Variants in CD101 observed in about 807,000 individuals in gnomAD.
The protein encoded by CD101 is CD101 molecule.
In CD101, 76 loss-of-function variants were observed where a neutral mutation model predicts 98.2. The observed-to-expected ratio is 0.77, with a 90% CI of 0.64 to 0.94. CD101 has a LOEUF of 0.94. CD101 is among the 40% of genes least tolerant of loss of function. The pLI is 0.00. For missense variants in CD101, 1,145 were observed against 1,218.8 expected, an observed-to-expected ratio of 0.94 and a Z score of 0.90; for synonymous variants, 471 against 472.7, an observed-to-expected ratio of 1.00 and a Z score of 0.05.
chr1:117,034,938 CAGCACTGGGTGGT>C (rs1324766572), intron 9 of CD101, among the ~76,000 whole-genome samples: 1 of 152,234 alleles, frequency 6.6e-6, no homozygotes, highest in East Asian at 1.9e-4. Context: ...TTTGACCTGA[CAGCACTGGGTGGT>C]AGGGAAGGTA....
chr1:117,035,580 C>A (rs1041053715), intron 9 of CD101, among the ~76,000 whole-genome samples: 1 of 146,774 alleles, frequency 6.8e-6, no homozygotes, highest in African/African-American at 2.5e-5. Context: ...GATGAAGTCT[C>A]GCTCTGTCGC....
rs1394386349 is a variant in CD101, at chr1:117,018,941, T to C, written c.2017+381T>C. ...TCCAGGCCTTACCAGTTAGTAAACA[T>C]TTGCAGTGTCTCTGCTAGTGGTAGG... is the stretch of plus-strand genomic sequence containing the variant. On this transcript the variant is annotated intron_variant, in intron 6 of 9. Coordinates refer to ENST00000682167, the MANE Select transcript of CD101 (RefSeq NM_001256106.3). The surrounding 1 kb of genome is among the most constrained non-coding windows in gnomAD (Gnocchi z 4.3). Among the ~76,000 whole-genome samples, 1 of 152,206 alleles carries C rather than the reference T, an allele frequency of 6.6e-6. No homozygotes were observed. The highest frequency in any genetic ancestry group is 1.5e-5 in the Non-Finnish European group (1 of 68,034).
In CD101 at chr1:117,019,844, T is replaced by A. The variant is rs948832946; in HGVS notation, c.2017+1284T>A. On this transcript the variant is annotated intron_variant, in intron 6 of 9. Transcript: ENST00000682167. This position sits in a 1 kb window ranked among gnomAD's most constrained non-coding sequence, Gnocchi z 4.3. ...CCCACTCCTCACCAGTGACCCAAGT[T>A]GAAAACCTGAGTCATCACAACTCTT... Among the ~76,000 whole-genome samples the A allele has an allele frequency of 6.6e-6, 1 of 152,200 alleles. No individual in the cohort carries two copies. The highest frequency in any genetic ancestry group is 2.4e-5 in the African/African-American group (1 of 41,448).
rs767551326 is a variant in CD101 at position 117,021,526 on chromosome 1, A to T, written c.2018-47A>T. 2 of 1,494,740 alleles carry T rather than the reference A, an allele frequency of 1.3e-6. No individual in the cohort carries two copies. Among genetic ancestry groups the T allele is most frequent in the East Asian group, 4.6e-5 (2 of 43,490 alleles). The allele number at this position is 1,494,740 out of a possible 1,614,324, so 92.6% of individuals were successfully genotyped here. On this transcript the variant is annotated intron_variant, in intron 6 of 9. Transcript: ENST00000682167. This position sits in a 1 kb window ranked among gnomAD's most constrained non-coding sequence, Gnocchi z 4.7. ...GACCTCTAATGTCTCTACTACCTTA[A>T]CTTTCTATTTCATAGCAAAGTAACT...
rs12067543 is a variant in CD101 at position 117,033,997 on chromosome 1, C to T, written c.2962C>T (p.Arg988Cys). ...YWKARKLSTL[R>C]SNTRKEKALW... ...GAAGGCCAGGAAGTTGTCAACACTG[C>T]GTTCCAACACACGGAAAGAAAAAGC... Residue 988 changes from arginine to cysteine, a missense_variant, in exon 9 of 10, where the codon CGT becomes TGT. Transcript: ENST00000682167. This position sits in a 1 kb window ranked among gnomAD's most constrained non-coding sequence, Gnocchi z 4.8. 4.3e-4 allele frequency: 702 copies of T among 1,614,082 alleles called. 4 individuals are homozygous for T. The Middle Eastern group carries it at 7.1e-3, about 16-fold the overall frequency.
chr1:117,014,084 C>A (rs188993728), intron 4 of CD101, among the ~76,000 whole-genome samples: 37 of 152,012 alleles, frequency 2.4e-4, no homozygotes, highest in African/African-American at 8.7e-4. Flanking sequence ...TCTTTAAGTT[C>A]CTTCTTGCTA....
chr1:117,008,225 G>A (rs1198393806), intron 1 of CD101, among the ~76,000 whole-genome samples: 1 of 152,286 alleles, frequency 6.6e-6, no homozygotes, highest in East Asian at 1.9e-4. Flanking sequence ...AGCACTTTGG[G>A]AGGCTGAGGC....
In CD101 at chr1:117,012,166, T is replaced by C. The variant is rs1652932007; in HGVS notation, c.841+200T>C. 6.6e-6 allele frequency among the ~76,000 whole-genome samples: 1 copy of C among 152,200 alleles called. No homozygotes were observed. The highest frequency in any genetic ancestry group is 1.5e-5 in the Non-Finnish European group (1 of 68,036). ...AGTTCTGGCTCTGCCCACGGATTCT[T>C]TATGGGATAAGGTCTACTGAGTGGC... On this transcript the variant is annotated intron_variant, in intron 3 of 9. Coordinates refer to ENST00000682167, the MANE Select transcript of CD101 (RefSeq NM_001256106.3). This position sits in a 1 kb window ranked among gnomAD's most constrained non-coding sequence, Gnocchi z 4.0.
Position 117,029,191 on chromosome 1 carries a change from GA to G in CD101, c.2824+3290del, listed in dbSNP as rs1222413284. 5.7e-4 allele frequency among the ~76,000 whole-genome samples: 48 copies of G among 84,028 alleles called. 1 individual carries two copies. The East Asian group carries it at 6.3e-3, about 11-fold the overall frequency. The allele number at this position is 84,028 out of a possible 152,430, so 55.1% of individuals were successfully genotyped here. On this transcript the variant is annotated intron_variant, in intron 8 of 9. Transcript: ENST00000682167. Reference sequence around the variant, plus strand: ...AGAAAGAAAGAAAGAAAGAAAGAAAGAAAGAAAGAAAGAAAAGAAAGAAAAG... The same window carrying G: ...AGAAAGAAAGAAAGAAAGAAAGAAAGAAGAAAGAAAGAAAAGAAAGAAAAG...
rs1653348874 is a variant in CD101, at chr1:117,018,124, T to C, written c.1613-32T>C. On this transcript the variant is annotated intron_variant, in intron 5 of 9. Transcript: ENST00000682167. This position sits in a 1 kb window ranked among gnomAD's most constrained non-coding sequence, Gnocchi z 4.3. ...GTGCTATATTTTAATCTGGTAAATA[T>C]ATTAGAAATTCTGTTTCATTTTTCT... is the stretch of plus-strand genomic sequence containing the variant. 2.6e-6 allele frequency: 4 copies of C among 1,532,314 alleles called. No homozygotes were observed. Among genetic ancestry groups the C allele is most frequent in the Non-Finnish European group, 3.5e-6 (4 of 1,139,910 alleles). 94.9% of individuals were successfully genotyped at this position (1,532,314 alleles called of 1,614,324 possible). A position where few individuals can be genotyped will look rare whatever the true frequency, so the allele number is the denominator to read the frequency against.
rs897931977 is a variant in CD101 at position 117,018,608 on chromosome 1, C to T, written c.2017+48C>T. 3 of 1,494,902 alleles carry T rather than the reference C, an allele frequency of 2.0e-6. No individual in the cohort carries two copies. Among genetic ancestry groups the T allele is most frequent in the East Asian group, 4.5e-5 (2 of 43,978 alleles). 92.6% of individuals were successfully genotyped at this position (1,494,902 alleles called of 1,614,324 possible). A position where few individuals can be genotyped will look rare whatever the true frequency, so the allele number is the denominator to read the frequency against. On this transcript the variant is annotated intron_variant, in intron 6 of 9. Transcript: ENST00000682167. This position sits in a 1 kb window ranked among gnomAD's most constrained non-coding sequence, Gnocchi z 4.3. ...CCCTGTTTTAAAAACAAACAAATAG[C>T]AATCCTCCCATTTTGGGTAAGTTAT...
At chr1:117,013,018 C>CA (rs1292687198) in intron 3 of CD101, among the ~76,000 whole-genome samples, 1 of 151,320 alleles carries the variant, frequency 6.6e-6, no homozygotes, top group African/African-American at 2.4e-5. Context: ...TATTCTTAGC[C>CA]AAAAAAGAGA....
Position 117,004,257 on chromosome 1 carries a change from G to C in CD101, c.43+2397G>C, listed in dbSNP as rs913034273. Reference sequence around the variant, plus strand: ...AGCTATCTCAGCCTCCAAGCATATAGGGTTTTTGAATGTGAAAAGAGAAAG... The same window carrying C: ...AGCTATCTCAGCCTCCAAGCATATACGGTTTTTGAATGTGAAAAGAGAAAG... On this transcript the variant is annotated intron_variant, in intron 1 of 9. Coordinates refer to ENST00000682167, the MANE Select transcript of CD101 (RefSeq NM_001256106.3). This position sits in a 1 kb window ranked among gnomAD's most constrained non-coding sequence, Gnocchi z 4.1. Among the ~76,000 whole-genome samples, 2 of 152,146 alleles carry C rather than the reference G, an allele frequency of 1.3e-5. No homozygotes were observed. Among genetic ancestry groups the C allele is most frequent in the Non-Finnish European group, 2.9e-5 (2 of 68,026 alleles).
chr1:117,007,357 CT>C (rs952693113), intron 1 of CD101, among the ~76,000 whole-genome samples: 70 of 144,518 alleles, frequency 4.8e-4, no homozygotes, highest in East Asian at 6.0e-4. Flanking sequence ...TCCTAGTTTG[CT>C]TTTTTTTTTT....
rs564402329 is a variant in CD101, at chr1:117,004,642, C to T, written c.43+2782C>T. On this transcript the variant is annotated intron_variant, in intron 1 of 9. Coordinates refer to ENST00000682167, the MANE Select transcript of CD101 (RefSeq NM_001256106.3). This position sits in a 1 kb window ranked among gnomAD's most constrained non-coding sequence, Gnocchi z 4.1. ...GAGGGCAGTCCTCACAGGTGTTTTT[C>T]GGAGGGTGGATGATATGTACTTGAA... 2.6e-4 allele frequency among the ~76,000 whole-genome samples: 40 copies of T among 152,080 alleles called. No homozygotes were observed. The highest frequency in any genetic ancestry group is 3.4e-3 in the Middle Eastern group (1 of 294).
chr1:117,025,009 A>G (rs1418353640), intron 7 of CD101, among the ~76,000 whole-genome samples: 3 of 152,226 alleles, frequency 2.0e-5, no homozygotes, highest in Non-Finnish European at 2.9e-5. Context: ...GGCTGGTTTG[A>G]TTCCTAGCAG....
In CD101 at chr1:117,011,713, T is replaced by C. The variant is rs939088700; in HGVS notation, c.588T>C (p.Thr196=). 1 of 1,614,156 alleles carries C rather than the reference T, an allele frequency of 6.2e-7. No homozygotes were observed. The highest frequency in any genetic ancestry group is 8.5e-7 in the Non-Finnish European group (1 of 1,180,000). Residue 196 remains threonine, a synonymous_variant, in exon 3 of 10, where the codon ACT becomes ACC. Coordinates refer to ENST00000682167, the MANE Select transcript of CD101 (RefSeq NM_001256106.3). The part of the protein sequence containing the change: ...LTQDGGGSQA[T]EIISLSKDFI... ...AGGATGGAGGAGGAAGCCAAGCCAC[T>C]GAGATTATTTCTCTCTCCAAAGATT...
chr1:117,034,862 C>G (rs988643265), intron 9 of CD101, among the ~76,000 whole-genome samples: 2 of 152,186 alleles, frequency 1.3e-5, no homozygotes, highest in African/African-American at 4.8e-5. Context: ...CTGCTTCCCC[C>G]TACACCTCCA....
chr1:117,007,082 G>A (rs1246242801), intron 1 of CD101, among the ~76,000 whole-genome samples: 3 of 151,846 alleles, frequency 2.0e-5, no homozygotes, highest in Non-Finnish European at 4.4e-5. Flanking sequence ...TACCTCAAAA[G>A]CCACATTAAG....
Sources: gnomAD v4.1 joint callset for allele counts (sites outside exome capture counted in the v4.1 genomes callset) on GRCh38, gnomAD v4.1.1 for gene constraint, Gnocchi (gnomAD v3.1) non-coding constraint, MANE v1.5 for transcripts, NCBI Gene and HGNC (gene_info 2026-07-23, HGNC 2026-07-21) for gene names.